RBFOX1: variants seen among roughly 807,000 people sequenced by gnomAD.
RBFOX1 encodes RNA binding protein fox-1 homolog 1.
In RBFOX1, 8 loss-of-function variants were observed where a neutral mutation model predicts 57.7. The observed-to-expected ratio is 0.14, with a 90% confidence interval of 0.08 to 0.25. The LOEUF (loss-of-function observed/expected upper bound fraction) is 0.25. RBFOX1 is among the 10% of genes least tolerant of loss of function. The pLI, the probability that RBFOX1 is intolerant of heterozygous loss-of-function variation, is 1.00. For missense variants in RBFOX1, 611 were observed against 548.5 expected, an observed-to-expected ratio of 1.11 and a Z score of -1.14; for synonymous variants, 326 against 222.4, an observed-to-expected ratio of 1.47 and a Z score of -4.15.
chr16:7,668,488 C>T (rs1224864022), intron 13 of RBFOX1, among the ~76,000 whole-genome samples: 2 of 152,108 alleles, frequency 1.3e-5, no homozygotes, highest in Non-Finnish European at 2.9e-5. Context: ...AAGACAAAGC[C>T]TTCAATCCTA....
chr16:7,020,732 C>T (rs914920646), intron 3 of RBFOX1, among the ~76,000 whole-genome samples: 1 of 152,074 alleles, frequency 6.6e-6, no homozygotes, highest in Admixed American at 6.6e-5. Flanking sequence ...AAATGTCCTT[C>T]CCTCTGAGAA....
At chr16:6,999,216 A>ATTT (rs374767232) in intron 3 of RBFOX1, among the ~76,000 whole-genome samples, 37 of 108,990 alleles carry the variant, frequency 3.4e-4, no homozygotes, top group South Asian at 1.1e-3. Flanking sequence ...ATTTTTATTT[A>ATTT]TTTTTTTTAT....
At chr16:7,164,428 G>A (rs1355831441) in intron 4 of RBFOX1, among the ~76,000 whole-genome samples, 7 of 152,108 alleles carry the variant, frequency 4.6e-5, no homozygotes, top group Admixed American at 6.5e-5. Context: ...ATAAACATAC[G>A]TCTACAAGTG....
At chr16:6,129,150 G>A (rs1245732093) in intron 1 of RBFOX1, among the ~76,000 whole-genome samples, 3 of 152,186 alleles carry the variant, frequency 2.0e-5, no homozygotes, top group Non-Finnish European at 2.9e-5. Flanking sequence ...ACAGGATCAT[G>A]TGACCTATAG....
At chr16:5,298,075 A>G in intron 1 of RBFOX1, among the ~76,000 whole-genome samples, 1 of 152,174 alleles carries the variant, frequency 6.6e-6, no homozygotes, top group East Asian at 1.9e-4. Flanking sequence ...TTTGGGAAGA[A>G]ACGTATTTAA....
At chr16:6,645,025 T>C (rs896160106) in intron 2 of RBFOX1, among the ~76,000 whole-genome samples, 1 of 152,106 alleles carries the variant, frequency 6.6e-6, no homozygotes, top group Non-Finnish European at 1.5e-5. Flanking sequence ...AAGTTGAAAG[T>C]GTGAGCAGGA....
intron 2 of RBFOX1, among the ~76,000 whole-genome samples, chr16:6,568,513 A>G (rs2097299132): frequency 6.6e-6 from 1 of 152,100 alleles, no homozygotes; most frequent in South Asian, 2.1e-4. Flanking sequence ...AGAGTGACAT[A>G]CCATCACTTC....
intron 3 of RBFOX1, among the ~76,000 whole-genome samples, chr16:5,640,532 A>G (rs2048827843): frequency 6.6e-6 from 1 of 151,876 alleles, no homozygotes; most frequent in African/African-American, 2.4e-5. Flanking sequence ...ACATGCACAT[A>G]CACACATGCA....
At chr16:5,357,045 C>T (rs1201973383) in intron 1 of RBFOX1, among the ~76,000 whole-genome samples, 9 of 152,154 alleles carry the variant, frequency 5.9e-5, no homozygotes, top group Admixed American at 2.0e-4. Context: ...ACTACTTGCC[C>T]GTGATGACAC....
At chr16:6,017,535 C>T (rs2095002778), upstream of RBFOX1, among the ~76,000 whole-genome samples, 1 of 152,116 alleles carries the variant, frequency 6.6e-6, no homozygotes, top group Admixed American at 6.5e-5. Flanking sequence ...AAATTGCTTA[C>T]ATACAAATAT....
chr16:5,405,019 G>T (rs1010422770), intron 1 of RBFOX1, among the ~76,000 whole-genome samples: 2 of 152,194 alleles, frequency 1.3e-5, no homozygotes, highest in African/African-American at 2.4e-5. Flanking sequence ...AATTCATTCT[G>T]TGAGTTAGGT....
intron 3 of RBFOX1, among the ~76,000 whole-genome samples, chr16:6,756,671 T>G (rs1460903979): frequency 1.3e-5 from 2 of 152,064 alleles, no homozygotes; most frequent in Non-Finnish European, 2.9e-5. Flanking sequence ...AATAAACATT[T>G]CTTAAAAGAA....
At chr16:7,366,861 G>A (rs2097459930) in intron 4 of RBFOX1, among the ~76,000 whole-genome samples, 1 of 152,194 alleles carries the variant, frequency 6.6e-6, no homozygotes, top group East Asian at 1.9e-4. Flanking sequence ...AGAATATGAA[G>A]AAGAAAGCGC....
intron 2 of RBFOX1, among the ~76,000 whole-genome samples, chr16:5,519,412 C>T (rs2043925262): frequency 6.6e-6 from 1 of 152,180 alleles, no homozygotes; most frequent in Non-Finnish European, 1.5e-5. Context: ...CAGATATGCT[C>T]ACCCATACTT....
intron 3 of RBFOX1, among the ~76,000 whole-genome samples, chr16:5,850,907 A>G (rs1396604124): frequency 1.3e-5 from 2 of 152,190 alleles, no homozygotes; most frequent in African/African-American, 4.8e-5. Context: ...AAAGGCTGGG[A>G]CAGCAGGTGC....
chr16:6,719,719 T>C (rs2065578457), intron 3 of RBFOX1, among the ~76,000 whole-genome samples: 1 of 152,096 alleles, frequency 6.6e-6, no homozygotes, highest in Non-Finnish European at 1.5e-5. Context: ...GTGATGGGAT[T>C]ACAGGCGTGA....
chr16:6,651,772 C>T (rs1244914153), intron 2 of RBFOX1, among the ~76,000 whole-genome samples: 3 of 152,188 alleles, frequency 2.0e-5, no homozygotes, highest in Non-Finnish European at 4.4e-5. Context: ...TTCATAGCAG[C>T]ATCATTCACA....
intron 4 of RBFOX1, among the ~76,000 whole-genome samples, chr16:7,274,564 A>G (rs2095404124): frequency 6.6e-6 from 1 of 152,190 alleles, no homozygotes; most frequent in South Asian, 2.1e-4. Context: ...ACCTTAAACT[A>G]ATCACTTCTC....
chr16:5,825,109 C>T (rs1435777519), intron 3 of RBFOX1, among the ~76,000 whole-genome samples: 1 of 152,198 alleles, frequency 6.6e-6, no homozygotes, highest in Non-Finnish European at 1.5e-5. Context: ...TGGAGGTGGT[C>T]TGTTGTCATG....
Sources: gnomAD v4.1 joint callset for allele counts (sites outside exome capture counted in the v4.1 genomes callset) on GRCh38, gnomAD v4.1.1 for gene constraint, MANE v1.5 for transcripts, NCBI Gene and HGNC (gene_info 2026-07-23, HGNC 2026-07-21) for gene names.